Variants in HERC2 observed in about 807,000 individuals in gnomAD.
HERC2 encodes the protein HECT and RLD domain containing E3 ubiquitin protein ligase 2.
Under a neutral mutation model 537.7 loss-of-function variants are expected in HERC2, and 102 were observed. The observed-to-expected ratio is 0.19, with a 90% CI of 0.16 to 0.22. The LOEUF is 0.22. Ranked by LOEUF, HERC2 falls within the 10% of genes least tolerant of loss-of-function variation. The probability of loss-of-function intolerance (pLI) is 1.00; values close to 1 mark genes in which losing one functional copy is unlikely to be tolerated. For missense variants in HERC2, 4,236 were observed against 6,198.2 expected, an observed-to-expected ratio of 0.68 and a Z score of 10.63; for synonymous variants, 2,224 against 2,466.2, an observed-to-expected ratio of 0.90 and a Z score of 2.91.
intron 78 of HERC2, among the ~76,000 whole-genome samples, chr15:28,136,442 G>C (rs1433886925): frequency 1.3e-5 from 2 of 152,248 alleles, no homozygotes; most frequent in Non-Finnish European, 2.9e-5. Context: ...AGGCTCTCTG[G>C]TGCACAGGGT....
chr15:28,250,162 C>T (rs1161055222), intron 20 of HERC2, among the ~76,000 whole-genome samples: 1 of 151,586 alleles, frequency 6.6e-6, no homozygotes, highest in African/African-American at 2.4e-5. Flanking sequence ...TGACAGCAGG[C>T]TTGTCAATCC....
chr15:28,250,810 A>G (rs12912427), intron 20 of HERC2, among the ~76,000 whole-genome samples: 75,104 of 151,716 alleles, frequency 0.5, 26,387 homozygotes, highest in Non-Finnish European at 0.77. Context: ...CTACCCATGC[A>G]GGAGAGGGAC....
intron 44 of HERC2, among the ~76,000 whole-genome samples, chr15:28,207,496 C>T (rs534453656): frequency 7.2e-5 from 11 of 152,300 alleles, no homozygotes; most frequent in South Asian, 6.2e-4. Flanking sequence ...ACACATCCCA[C>T]GTGCATATTT....
At chr15:28,136,177 A>G (rs1890614531) in intron 78 of HERC2, among the ~76,000 whole-genome samples, 1 of 152,058 alleles carries the variant, frequency 6.6e-6, no homozygotes, top group Admixed American at 6.5e-5. Flanking sequence ...CAAAACATCT[A>G]TGATTAATTT....
chr15:28,264,033 AAAAAACAAAC>A (rs2075491177), intron 14 of HERC2, among the ~76,000 whole-genome samples: 1 of 151,894 alleles, frequency 6.6e-6, no homozygotes, highest in East Asian at 1.9e-4. Flanking sequence ...AAAAAAAAAA[AAAAAACAAAC>A]AAAAACAAAA....
At chr15:28,132,917 T>A in intron 79 of HERC2, 87 bp from the exon 80 acceptor site, 1 of 1,059,888 alleles carries the variant, frequency 9.4e-7, no homozygotes. Context: ...ATCTACACCT[T>A]CCTAATCAGT....
chr15:28,287,719 C>CT (rs766216433), intron 4 of HERC2, among the ~76,000 whole-genome samples: 7,687 of 124,428 alleles, frequency 0.062, 763 homozygotes, highest in African/African-American at 0.24. Context: ...ACTTATTCCT[C>CT]TTTTTTTTTT....
Position 28,125,153 on chromosome 15 carries a change from C to T in HERC2, c.12843G>A (p.Leu4281=), listed in dbSNP as rs1889337265. Residue 4281 remains leucine (L), a synonymous_variant, in exon 84 of 93, where the codon CTG becomes CTA. Transcript: ENST00000261609. ...YTWGDNDEGQ[L]GDGTTNAIQR... ...GGATGGCATTGGTGGTTCCGTCTCCCAGTTGTCCCTCATCATTGTCGCCCC... is the reference window on the plus strand; with the variant it reads ...GGATGGCATTGGTGGTTCCGTCTCCTAGTTGTCCCTCATCATTGTCGCCCC... The T allele has an allele frequency of 1.9e-6, 3 of 1,613,992 alleles. No homozygotes were observed. The highest frequency in any genetic ancestry group is 8.5e-7 in the Non-Finnish European group (1 of 1,179,836).
chr15:28,144,188 T>C lies in HERC2; in HGVS notation c.11188A>G (p.Met3730Val), dbSNP rs1233949701. ...SDRCVLSCPS[M>V]DLVTCLLDFR... is the part of the protein sequence containing the mutation. ...TCTAACAGACACGTCACCAAGTCCATGGATGGACAGGAGAGGACGCAGCGG... is the reference window on the plus strand; with the variant it reads ...TCTAACAGACACGTCACCAAGTCCACGGATGGACAGGAGAGGACGCAGCGG... The change falls in exon 73 of 93, where the codon ATG becomes GTG. Residue 3730 changes from methionine (M) to valine (V), a missense_variant. By Grantham distance (21) the Met-to-Val change is conservative. Transcript: ENST00000261609. 8.1e-6 allele frequency: 13 copies of C among 1,614,158 alleles called. No homozygotes were observed. The highest frequency in any genetic ancestry group is 7.7e-5 in the South Asian group (7 of 91,088).
At chr15:28,281,803 C>G (rs2076026596) in intron 4 of HERC2, among the ~76,000 whole-genome samples, 1 of 152,182 alleles carries the variant, frequency 6.6e-6, no homozygotes, top group Admixed American at 6.5e-5. Flanking sequence ...CCCACCGAGC[C>G]ACCCTTCAGG....
chr15:28,130,310 C>A lies in HERC2; in HGVS notation c.12663-8G>T. ...TGATAATCGCCTTTGCCCCTGCACA[C>A]AAAGGAAGCATGGAAATTATGGGGC... On this transcript the variant is annotated splice_polypyrimidine_tract_variant and splice_region_variant and intron_variant, in intron 82 of 92. Coordinates refer to ENST00000261609, the MANE Select transcript of HERC2 (RefSeq NM_004667.6). 6.2e-7 allele frequency: 1 copy of A among 1,614,076 alleles called. No homozygotes were observed. The highest frequency in any genetic ancestry group is 8.5e-7 in the Non-Finnish European group (1 of 1,179,974).
chr15:28,149,300 C>T (rs545334122), intron 70 of HERC2, among the ~76,000 whole-genome samples: 1 of 149,258 alleles, frequency 6.7e-6, no homozygotes, highest in East Asian at 2.0e-4. Flanking sequence ...ACACGCAGCT[C>T]CTGAGAACAT....
Position 28,270,623 on chromosome 15 carries a change from G to A in HERC2, c.1257+72C>T, listed in dbSNP as rs2075698345. ...TACCAGAAAAAGCAAGTCTCCACACGGGCCCAGGATGAGAACCTACAAGTG... is the reference window on the plus strand; with the variant it reads ...TACCAGAAAAAGCAAGTCTCCACACAGGCCCAGGATGAGAACCTACAAGTG... On this transcript the variant is annotated intron_variant, in intron 10 of 92. Transcript: ENST00000261609. 21 of 1,450,782 alleles carry A rather than the reference G, an allele frequency of 1.4e-5. No individual in the cohort carries two copies. The East Asian group carries it at 2.7e-4, about 19-fold the overall frequency. 89.9% of individuals were successfully genotyped at this position (1,450,782 alleles called of 1,614,324 possible).
Position 28,269,254 on chromosome 15 carries a change from G to A in HERC2, c.1440C>T (p.Asp480=). 6.2e-7 allele frequency: 1 copy of A among 1,613,060 alleles called. No individual in the cohort carries two copies. Among genetic ancestry groups the A allele is most frequent in the South Asian group, 1.1e-5 (1 of 90,822 alleles). Residue 480 remains aspartate, a synonymous_variant, in exon 11 of 93, where the codon GAC becomes GAT. Coordinates refer to ENST00000261609, the MANE Select transcript of HERC2 (RefSeq NM_004667.6). Reference sequence around the variant, plus strand: ...CAGTGCCCAGAACACTCACCAGCGTGTCACTATTATAGGCCTGTGTGTACA... The same window carrying A: ...CAGTGCCCAGAACACTCACCAGCGTATCACTATTATAGGCCTGTGTGTACA... ...GRVYTQAYNS[D]TLAPQLVQGL...
intron 45 of HERC2, chr15:28,203,306 G>A (rs1260116302): frequency 2.1e-5 from 3 of 142,596 alleles, no homozygotes; most frequent in Admixed American, 1.4e-4. Flanking sequence ...GTTAAACGGA[G>A]CATGTGAGGA....
At chr15:28,143,534 C>T (rs919890092) in intron 74 of HERC2, among the ~76,000 whole-genome samples, 2 of 152,088 alleles carry the variant, frequency 1.3e-5, no homozygotes, top group African/African-American at 2.4e-5. Context: ...CCAACCTCCA[C>T]GTCCCAGGTT....
chr15:28,284,025 C>A (rs1046678042), intron 4 of HERC2, among the ~76,000 whole-genome samples: 1 of 152,166 alleles, frequency 6.6e-6, no homozygotes, highest in African/African-American at 2.4e-5. Context: ...AACTTATACA[C>A]AGAGCCTGAA....
Position 28,238,379 on chromosome 15 carries a change from C to G in HERC2, c.3749-162G>C, listed in dbSNP as rs188590191. The stretch of plus-strand genomic sequence containing the variant: ...TCTCCCAGGGTTGCCTGGGCCAACT[C>G]AGAACTTGAAATGAGTTCCAAGTAT... On this transcript the variant is annotated intron_variant, in intron 24 of 92. Transcript: ENST00000261609. 6.3e-3 allele frequency among the ~76,000 whole-genome samples: 956 copies of G among 152,284 alleles called. 11 individuals carry two copies. The highest frequency in any genetic ancestry group is 0.021 in the African/African-American group (876 of 41,558).
rs539806708 is a variant in HERC2, at chr15:28,214,117, G to A, written c.6514C>T (p.Arg2172Cys). ...LINKYINSQL[R>C]SITHSFVGRP... The stretch of plus-strand genomic sequence containing the variant: ...CCCACAAAGCTGTGGGTGATGGAGC[G>A]GAGCTGGGAGTTGATGTACTTGTTG... Residue 2172 changes from arginine (R) to cysteine (C), a missense_variant, in exon 41 of 93, where the codon CGC becomes TGC. Arg to Cys is a radical substitution (Grantham distance 180). Coordinates refer to ENST00000261609, the MANE Select transcript of HERC2 (RefSeq NM_004667.6). 94 of 1,614,198 alleles carry A rather than the reference G, an allele frequency of 5.8e-5. No individual in the cohort carries two copies. The highest frequency in any genetic ancestry group is 3.1e-4 in the South Asian group (28 of 91,084).
Sources: allele counts gnomAD v4.1 joint callset (sites outside exome capture counted in the v4.1 genomes callset), GRCh38; gene constraint gnomAD v4.1.1; transcripts MANE v1.5; gene names NCBI Gene and HGNC (gene_info 2026-07-23, HGNC 2026-07-21).